The following TRPM7 variants were observed in gnomAD, a reference collection of about 807,000 sequenced individuals.
TRPM7 encodes the protein transient receptor potential cation channel subfamily M member 7.
In TRPM7, 134 loss-of-function variants were observed where a neutral mutation model predicts 229.7. That is an observed-to-expected ratio of 0.58 (90% confidence interval 0.51 to 0.67). The LOEUF is 0.67. TRPM7 is among the 30% of genes least tolerant of loss of function. The pLI is 0.00. For missense variants in TRPM7, 1,901 were observed against 2,210.0 expected (o/e 0.86, Z 2.80); for synonymous variants, 699 against 715.2 (o/e 0.98, Z 0.36).
chr15:50,650,191 T>TAAAA (rs2061381489), intron 3 of TRPM7, among the ~76,000 whole-genome samples: 2 of 24,408 alleles, frequency 8.2e-5, no homozygotes, highest in Non-Finnish European at 6.8e-5. Flanking sequence ...AGACTTTGTC[T>TAAAA]CAAAAAAAAA....
rs146542514 is a variant in TRPM7, at chr15:50,591,151, C to T, written c.4324+760G>A. On this transcript the variant is annotated intron_variant, in intron 26 of 38. Coordinates refer to ENST00000646667, the MANE Select transcript of TRPM7 (RefSeq NM_017672.6). Reference sequence around the variant, plus strand: ...TTCTCTGTGAATATATAAATAGGTACACCATAAGTACTAATTTTCCCAGTA... The same window carrying T: ...TTCTCTGTGAATATATAAATAGGTATACCATAAGTACTAATTTTCCCAGTA... Among the ~76,000 whole-genome samples the T allele has an allele frequency of 5.3e-5, 8 of 152,224 alleles. No individual in the cohort carries two copies. In the East Asian group the frequency reaches 7.7e-4, roughly 15 times the overall value.
At position 50,609,424 on chromosome 15, in the gene TRPM7, C is replaced by A. The variant is rs1275488850; in HGVS notation, c.2580+157G>T. 7.9e-5 allele frequency among the ~76,000 whole-genome samples: 12 copies of A among 152,082 alleles called. 1 individual carries two copies. Among genetic ancestry groups the A allele is most frequent in the Admixed American group, 7.9e-4 (12 of 15,266 alleles). ...TAGTGTTTATCACTCTAGATGATGA[C>A]AATTTAAATGAAACTAAGGCAAATG... On this transcript the variant is annotated intron_variant, in intron 19 of 38. Coordinates refer to ENST00000646667, the MANE Select transcript of TRPM7 (RefSeq NM_017672.6).
At chr15:50,633,965 C>G (rs2060810165) in intron 8 of TRPM7, among the ~76,000 whole-genome samples, 1 of 152,138 alleles carries the variant, frequency 6.6e-6, no homozygotes, top group Non-Finnish European at 1.5e-5. Context: ...TTTTCATGTT[C>G]ATAAAACACA....
intron 6 of TRPM7, among the ~76,000 whole-genome samples, chr15:50,638,358 CAAAAAAAAAAAAAAAAAAAAAAAAA>C (rs60939201): frequency 3.5e-4 from 15 of 42,282 alleles, no homozygotes; most frequent in African/African-American, 1.1e-3. Flanking sequence ...GACTCCGTCT[CAAAAAAAAAAAAAAAAAAAAAAAAA>C]AAAAAAAAAA....
chr15:50,570,439 G>A (rs528803198), intron 36 of TRPM7, among the ~76,000 whole-genome samples: 3 of 152,254 alleles, frequency 2.0e-5, no homozygotes, highest in African/African-American at 7.2e-5. Flanking sequence ...CAGCACCAAG[G>A]ATGCAAATAC....
intron 9 of TRPM7, 114 bp downstream of exon 9, chr15:50,632,755 T>C: frequency 9.8e-7 from 1 of 1,019,162 alleles, no homozygotes; most frequent in Non-Finnish European, 1.4e-6. Context: ...TTAATAAAGA[T>C]TTCAAAGTTT....
At position 50,628,227 on chromosome 15, in the gene TRPM7, G is replaced by A; in HGVS notation, c.1227C>T (p.Asp409=). ...CCCATGCCAATGTAAGGATAAGCTG[G>A]TCAAATGCAGATGCATTAGTACCTA... ...LLKGTNASAF[D]QLILTLAWDR... The change falls in exon 11 of 39, where the codon GAC becomes GAT. Residue 409 remains aspartate (D), a synonymous_variant. Coordinates refer to ENST00000646667, the MANE Select transcript of TRPM7 (RefSeq NM_017672.6). 1 of 1,612,862 alleles carries A rather than the reference G, an allele frequency of 6.2e-7. No homozygotes were observed. The highest frequency in any genetic ancestry group is 8.5e-7 in the Non-Finnish European group (1 of 1,179,476).
intron 1 of TRPM7, among the ~76,000 whole-genome samples, chr15:50,682,888 C>G (rs1182998073): frequency 2.5e-4 from 37 of 150,514 alleles, no homozygotes. Flanking sequence ...ATTTTGCTTC[C>G]CGGTACCAAA....
chr15:50,609,532 C>G (rs781233688), intron 19 of TRPM7, 49 bp downstream of exon 19: 1 of 1,540,172 alleles, frequency 6.5e-7, no homozygotes, highest in Non-Finnish European at 8.7e-7. Flanking sequence ...AATGGTCCCC[C>G]AAAGCCTAAC....
chr15:50,680,309 G>A (rs1047922774), intron 1 of TRPM7, among the ~76,000 whole-genome samples: 4 of 152,106 alleles, frequency 2.6e-5, no homozygotes, highest in Non-Finnish European at 5.9e-5. Context: ...AGGAGGCCAA[G>A]GCAGGTAGAT....
chr15:50,630,169 T>C (rs1375581829), intron 10 of TRPM7, among the ~76,000 whole-genome samples: 3 of 152,100 alleles, frequency 2.0e-5, no homozygotes, highest in South Asian at 4.1e-4. Context: ...GCCTTACTTT[T>C]TATTTTTATG....
intron 12 of TRPM7, among the ~76,000 whole-genome samples, chr15:50,623,444 TTAGTAAA>T (rs1243690396): frequency 1.3e-4 from 19 of 151,830 alleles, no homozygotes; most frequent in African/African-American, 4.6e-4. Context: ...GTTTGTATTT[TTAGTAAA>T]TAGTAGGTAG....
intron 36 of TRPM7, among the ~76,000 whole-genome samples, chr15:50,573,513 C>T (rs1035973230): frequency 4.6e-5 from 7 of 152,132 alleles, no homozygotes; most frequent in African/African-American, 1.4e-4. Context: ...GAGAGACATT[C>T]CCACTATGTC....
chr15:50,661,180 T>A (rs559419558), intron 2 of TRPM7, among the ~76,000 whole-genome samples: 1 of 152,076 alleles, frequency 6.6e-6, no homozygotes, highest in Admixed American at 6.6e-5. Context: ...TTTCACCATG[T>A]TGGCCAGGCT....
At chr15:50,653,731 G>C (rs768662080) in intron 3 of TRPM7, among the ~76,000 whole-genome samples, 3 of 152,082 alleles carry the variant, frequency 2.0e-5, no homozygotes, top group Non-Finnish European at 4.4e-5. Context: ...AGAGTTACCA[G>C]AGAAAAGGGA....
At chr15:50,653,115 G>C (rs931136537) in intron 3 of TRPM7, among the ~76,000 whole-genome samples, 5 of 152,132 alleles carry the variant, frequency 3.3e-5, no homozygotes, top group African/African-American at 1.2e-4. Context: ...CTGCACTCCA[G>C]TCTGGGCCAC....
At chr15:50,570,288 A>C in intron 36 of TRPM7, 133 bp from the exon 37 acceptor site, 1 of 653,302 alleles carries the variant, frequency 1.5e-6, no homozygotes, top group Non-Finnish European at 2.5e-6. Context: ...AACTATTCAA[A>C]GGAGTGTAGT....
chr15:50,568,883 T>A (rs192960061), intron 38 of TRPM7, among the ~76,000 whole-genome samples: 2 of 151,702 alleles, frequency 1.3e-5, no homozygotes, highest in Non-Finnish European at 2.9e-5. Context: ...CTTGGGAGGC[T>A]GAGGTGGGAG....
intron 9 of TRPM7, 147 bp downstream of exon 9, chr15:50,632,722 C>G: frequency 1.4e-6 from 1 of 738,514 alleles, no homozygotes; most frequent in South Asian, 2.5e-5. Flanking sequence ...TTGAACAGAC[C>G]AATAAATGAC....
Sources: allele counts gnomAD v4.1 joint callset (sites outside exome capture counted in the v4.1 genomes callset), GRCh38; gene constraint gnomAD v4.1.1; transcripts MANE v1.5; gene names NCBI Gene and HGNC (gene_info 2026-07-23, HGNC 2026-07-21).